KCNN2: variants seen among roughly 807,000 people sequenced by gnomAD.
KCNN2 encodes potassium calcium-activated channel subfamily N member 2, also known as small conductance calcium-activated potassium channel protein 2.
In KCNN2, 24 loss-of-function variants were observed where a neutral mutation model predicts 55.5. That is an observed-to-expected ratio of 0.43 (90% confidence interval 0.31 to 0.61). The LOEUF is 0.61. Among genes scored for constraint, KCNN2 ranks in the 20% least tolerant of loss-of-function variants. KCNN2 has a pLI of 0.08. For synonymous variants in KCNN2, 431 were observed against 336.1 expected (o/e 1.28, Z -3.09); for missense variants, 754 against 853.6 (o/e 0.88, Z 1.45).
chr5:114,158,173 T>G (rs1023096978), intron 1 of KCNN2, among the ~76,000 whole-genome samples: 83 of 152,264 alleles, frequency 5.5e-4, no homozygotes, highest in Middle Eastern at 3.4e-3. Context: ...CTTGAATTAA[T>G]TTTTGTATAA....
intron 1 of KCNN2, among the ~76,000 whole-genome samples, chr5:114,206,237 T>G (rs895347144): frequency 6.6e-6 from 1 of 152,240 alleles, no homozygotes; most frequent in Non-Finnish European, 1.5e-5. Flanking sequence ...CCTGTTACTG[T>G]GACTTCAGCT....
chr5:114,373,775 T>A (rs1381210370), intron 2 of KCNN2, among the ~76,000 whole-genome samples: 6 of 147,840 alleles, frequency 4.1e-5, no homozygotes, highest in African/African-American at 1.5e-4. Context: ...GAGCTCAGCT[T>A]CTCTGGGCTT....
At chr5:114,469,656 T>C (rs1761625462) in intron 4 of KCNN2, among the ~76,000 whole-genome samples, 2 of 152,274 alleles carry the variant, frequency 1.3e-5, no homozygotes, top group Admixed American at 6.5e-5. Context: ...TCCATTCTTA[T>C]TCACTTTATG....
chr5:114,271,872 T>C (rs1366540660), intron 2 of KCNN2, among the ~76,000 whole-genome samples: 1 of 152,168 alleles, frequency 6.6e-6, no homozygotes, highest in Non-Finnish European at 1.5e-5. Context: ...CTCAACTTTA[T>C]CACCTATAAA....
intron 2 of KCNN2, among the ~76,000 whole-genome samples, chr5:114,308,665 T>C (rs114246999): frequency 6.6e-6 from 1 of 152,130 alleles, no homozygotes; most frequent in South Asian, 2.1e-4. Context: ...TGGGTGGTAA[T>C]GGTAATGAGT....
chr5:114,453,674 T>C (rs566990772), intron 3 of KCNN2, among the ~76,000 whole-genome samples: 2 of 152,084 alleles, frequency 1.3e-5, no homozygotes, highest in Admixed American at 1.3e-4. Flanking sequence ...TCTTTTTTGT[T>C]CTCCTCTTCT....
chr5:114,204,798 G>T (rs1753737631), intron 1 of KCNN2, among the ~76,000 whole-genome samples: 1 of 152,256 alleles, frequency 6.6e-6, no homozygotes, highest in African/African-American at 2.4e-5. Flanking sequence ...CATGTAAGTT[G>T]GGAAAAATAT....
At chr5:114,310,935 T>A (rs1357681360) in intron 2 of KCNN2, among the ~76,000 whole-genome samples, 1 of 152,100 alleles carries the variant, frequency 6.6e-6, no homozygotes, top group African/African-American at 2.4e-5. Context: ...GTACAATATA[T>A]CATGATGATT....
intron 2 of KCNN2, among the ~76,000 whole-genome samples, chr5:114,309,541 C>T (rs770253547): frequency 5.9e-5 from 9 of 152,098 alleles, no homozygotes; most frequent in Non-Finnish European, 8.8e-5. Context: ...TAGATCATTC[C>T]TCTATAGGAA....
At chr5:114,480,486 G>T (rs1762177046) in intron 5 of KCNN2, among the ~76,000 whole-genome samples, 1 of 152,050 alleles carries the variant, frequency 6.6e-6, no homozygotes, top group Non-Finnish European at 1.5e-5. Context: ...ACAAAGGAGG[G>T]ACTGCTCCCT....
intron 2 of KCNN2, among the ~76,000 whole-genome samples, chr5:114,378,688 T>C (rs749116742): frequency 2.6e-5 from 4 of 152,166 alleles, no homozygotes; most frequent in Non-Finnish European, 5.9e-5. Flanking sequence ...AGGGGCAGTA[T>C]GGGCAGTATG....
At chr5:114,069,382 A>T (rs1300354592) in intron 1 of KCNN2, among the ~76,000 whole-genome samples, 1 of 152,046 alleles carries the variant, frequency 6.6e-6, no homozygotes, top group Non-Finnish European at 1.5e-5. Context: ...ATGGAGAACT[A>T]ATGATTTTTC....
intron 1 of KCNN2, among the ~76,000 whole-genome samples, chr5:114,191,873 A>G (rs577785393): frequency 2.6e-5 from 4 of 152,300 alleles, no homozygotes; most frequent in South Asian, 4.1e-4. Flanking sequence ...CATGACCCAG[A>G]AGCTGGCCTT....
chr5:114,243,161 T>C (rs1420875478), intron 2 of KCNN2, among the ~76,000 whole-genome samples: 1 of 152,222 alleles, frequency 6.6e-6, no homozygotes, highest in Non-Finnish European at 1.5e-5. Context: ...TTATTTAGAT[T>C]GTGGCTTAGA....
intron 1 of KCNN2, among the ~76,000 whole-genome samples, chr5:114,153,133 G>C (rs1333160124): frequency 1.3e-5 from 2 of 152,202 alleles, no homozygotes; most frequent in Non-Finnish European, 2.9e-5. Context: ...TTGGGGCTTT[G>C]AGACATCCAT....
At chr5:114,390,294 A>C (rs1294654708) in intron 2 of KCNN2, among the ~76,000 whole-genome samples, 1 of 152,150 alleles carries the variant, frequency 6.6e-6, no homozygotes, top group African/African-American at 2.4e-5. Flanking sequence ...ACTTGCAGAA[A>C]TGATTTAATG....
intron 1 of KCNN2, among the ~76,000 whole-genome samples, chr5:114,122,611 G>A (rs907372405): frequency 2.0e-5 from 3 of 152,122 alleles, no homozygotes; most frequent in African/African-American, 4.8e-5. Flanking sequence ...GATACTTAGT[G>A]GTACTCAGGA....
intron 1 of KCNN2, among the ~76,000 whole-genome samples, chr5:114,183,279 C>G (rs533631102): frequency 1.3e-5 from 2 of 152,122 alleles, no homozygotes; most frequent in East Asian, 3.9e-4. Context: ...AAGACTTTTT[C>G]TTCCTAAGTT....
At chr5:114,056,131 C>T (rs1416147765) in exon 1 of KCNN2, 3 of 381,436 alleles carry the variant, frequency 7.9e-6, no homozygotes, top group Non-Finnish European at 1.4e-5. Flanking sequence ...GAAGCAGGGG[C>T]AGCCAGGTGG....
Sources: allele counts gnomAD v4.1 joint callset (sites outside exome capture counted in the v4.1 genomes callset), GRCh38; gene constraint gnomAD v4.1.1; transcripts MANE v1.5; gene names NCBI Gene and HGNC (gene_info 2026-07-23, HGNC 2026-07-21).